NRG1: variants seen among roughly 807,000 people sequenced by gnomAD.
The protein encoded by NRG1 is pro-neuregulin-1, membrane-bound isoform.
A neutral mutation model predicts 63.8 loss-of-function variants in NRG1; 18 were observed. That is an observed-to-expected ratio of 0.28 (90% CI 0.19 to 0.42). The LOEUF is 0.42. Among genes scored for constraint, NRG1 ranks in the 10% least tolerant of loss-of-function variants. The probability of loss-of-function intolerance (pLI) is 1.00; values close to 1 mark genes in which losing one functional copy is unlikely to be tolerated. For synonymous variants in NRG1, 302 were observed against 301.3 expected, an observed-to-expected ratio of 1.00 and a Z score of -0.02; for missense variants, 762 against 814.7, an observed-to-expected ratio of 0.94 and a Z score of 0.79.
chr8:32,743,928 A>G (rs1826961203), intron 7 of NRG1, among the ~76,000 whole-genome samples: 1 of 152,106 alleles, frequency 6.6e-6, no homozygotes, highest in Admixed American at 6.6e-5. Context: ...GCATGAAAAC[A>G]GCTGTAAACA....
intron 1 of NRG1, among the ~76,000 whole-genome samples, chr8:31,975,003 C>A (rs2129629661): frequency 6.6e-6 from 1 of 152,272 alleles, no homozygotes; most frequent in South Asian, 2.1e-4. Context: ...GCTGGGTTTT[C>A]TGTGGCAGTT....
At chr8:32,159,540 C>CAAAAAAAAAAAAAAAAAAAAAAAA (rs10684266) in intron 1 of NRG1, among the ~76,000 whole-genome samples, 1 of 73,690 alleles carries the variant, frequency 1.4e-5, no homozygotes, top group Non-Finnish European at 3.2e-5. Flanking sequence ...GACTCCGTCT[C>CAAAAAAAAAAAAAAAAAAAAAAAA]AAAAAAAAAA....
chr8:31,758,181 G>A (rs1346955619), intron 1 of NRG1, among the ~76,000 whole-genome samples: 2 of 151,982 alleles, frequency 1.3e-5, no homozygotes, highest in African/African-American at 2.4e-5. Context: ...ACTACATTAG[G>A]TGTTTCTCCT....
chr8:32,141,024 T>C (rs1836186084), intron 1 of NRG1, among the ~76,000 whole-genome samples: 1 of 152,154 alleles, frequency 6.6e-6, no homozygotes, highest in African/African-American at 2.4e-5. Flanking sequence ...TCTCTGTCAA[T>C]TATTTTATTC....
At chr8:31,683,476 G>A (rs1808551032) in intron 1 of NRG1, among the ~76,000 whole-genome samples, 1 of 152,142 alleles carries the variant, frequency 6.6e-6, no homozygotes, top group Non-Finnish European at 1.5e-5. Flanking sequence ...GTATGATTGC[G>A]ATTATGTGAT....
At chr8:32,378,428 T>C (rs751218171) in intron 1 of NRG1, among the ~76,000 whole-genome samples, 10 of 152,066 alleles carry the variant, frequency 6.6e-5, no homozygotes, top group Non-Finnish European at 1.3e-4. Flanking sequence ...TAATTCTACC[T>C]AAAAGCAATA....
chr8:32,647,541 C>G (rs1853881314), intron 5 of NRG1: 1 of 985,204 alleles, frequency 1.0e-6, no homozygotes, highest in South Asian at 4.7e-5. Context: ...TTTGTAGTTG[C>G]TAGGAGCTTT....
chr8:32,096,306 A>C (rs1325319964), intron 1 of NRG1, among the ~76,000 whole-genome samples: 1 of 152,250 alleles, frequency 6.6e-6, no homozygotes, highest in Non-Finnish European at 1.5e-5. Context: ...TCGTTGATAC[A>C]TAATAACTAT....
chr8:32,347,977 C>G (rs1211373546), intron 1 of NRG1, among the ~76,000 whole-genome samples: 1 of 152,178 alleles, frequency 6.6e-6, no homozygotes, highest in Non-Finnish European at 1.5e-5. Flanking sequence ...GGGTATATCC[C>G]TAAGCTGTGG....
intron 1 of NRG1, among the ~76,000 whole-genome samples, chr8:32,246,427 C>CA (rs1158135215): frequency 6.6e-6 from 1 of 152,128 alleles, no homozygotes; most frequent in African/African-American, 2.4e-5. Flanking sequence ...AATCCTGACT[C>CA]AGTCTGCTGG....
chr8:31,934,236 T>C (rs774166026), intron 1 of NRG1, among the ~76,000 whole-genome samples: 2 of 152,102 alleles, frequency 1.3e-5, no homozygotes, highest in Non-Finnish European at 2.9e-5. Context: ...CCTGCCTCCA[T>C]GTGGCTTACG....
At chr8:31,832,507 C>T (rs1825267858) in intron 1 of NRG1, among the ~76,000 whole-genome samples, 1 of 152,148 alleles carries the variant, frequency 6.6e-6, no homozygotes, top group Non-Finnish European at 1.5e-5. Flanking sequence ...AGTCTGCCCA[C>T]CAAAGCCTCC....
chr8:31,969,334 C>T (rs1806897431), intron 1 of NRG1, among the ~76,000 whole-genome samples: 2 of 152,104 alleles, frequency 1.3e-5, no homozygotes, highest in African/African-American at 4.8e-5. Context: ...TTTTTTAAAG[C>T]AGTAAAAGAC....
chr8:32,638,004 G>A (rs927677244), intron 5 of NRG1, among the ~76,000 whole-genome samples: 3 of 152,188 alleles, frequency 2.0e-5, no homozygotes, highest in South Asian at 2.1e-4. Context: ...GGCTCTAGGC[G>A]AGAGAAAGTC....
chr8:32,668,191 C>T (rs977364958), intron 5 of NRG1, among the ~76,000 whole-genome samples: 12 of 148,222 alleles, frequency 8.1e-5, no homozygotes, highest in East Asian at 2.0e-4. Flanking sequence ...CCAGCCAGGG[C>T]GACAGAGTGA....
chr8:32,263,054 G>A (rs1275444198), intron 1 of NRG1, among the ~76,000 whole-genome samples: 2 of 152,092 alleles, frequency 1.3e-5, no homozygotes, highest in East Asian at 1.9e-4. Context: ...ATTCCCATGG[G>A]CAGAAATCTT....
chr8:32,069,147 G>A (rs528159398), intron 1 of NRG1, among the ~76,000 whole-genome samples: 1 of 152,292 alleles, frequency 6.6e-6, no homozygotes, highest in South Asian at 2.1e-4. Flanking sequence ...ACAGGCAGGA[G>A]ACTTATACCA....
At chr8:32,369,780 G>A (rs998020369) in intron 1 of NRG1, among the ~76,000 whole-genome samples, 7 of 152,060 alleles carry the variant, frequency 4.6e-5, no homozygotes, top group African/African-American at 1.4e-4. Flanking sequence ...ATGAAATTTC[G>A]GATTTCTACA....
chr8:31,683,858 CTAAAGTA>C (rs972153458), intron 1 of NRG1, among the ~76,000 whole-genome samples: 1 of 152,016 alleles, frequency 6.6e-6, no homozygotes, highest in Non-Finnish European at 1.5e-5. Flanking sequence ...TGAAACTGCT[CTAAAGTA>C]TAAAGTTTAA....
Sources: allele counts gnomAD v4.1 joint callset (sites outside exome capture counted in the v4.1 genomes callset), GRCh38; gene constraint gnomAD v4.1.1; transcripts MANE v1.5; gene names NCBI Gene and HGNC (gene_info 2026-07-23, HGNC 2026-07-21).